PRDM16: variants seen among roughly 807,000 people sequenced by gnomAD.
The protein encoded by PRDM16 is PR/SET domain 16.
PRDM16 carries 23 observed loss-of-function variants against 110.6 expected under a neutral mutation model. The ratio of observed to expected loss-of-function variants is 0.21; its 90% CI spans 0.15 to 0.29. The LOEUF (loss-of-function observed/expected upper bound fraction) is 0.29, where lower values mean the gene tolerates loss of function less well. Among genes scored for constraint, PRDM16 ranks in the 10% least tolerant of loss-of-function variants. The pLI is 1.00. For missense variants in PRDM16, 1,615 were observed against 1,794.3 expected, an observed-to-expected ratio of 0.90 and a Z score of 1.81; for synonymous variants, 799 against 781.8, an observed-to-expected ratio of 1.02 and a Z score of -0.37.
intron 1 of PRDM16, among the ~76,000 whole-genome samples, chr1:3,073,216 C>T (rs1230379402): frequency 6.6e-6 from 1 of 152,218 alleles, no homozygotes; most frequent in Non-Finnish European, 1.5e-5. Flanking sequence ...CAGCCAGGGG[C>T]TCCCCCCACC....
chr1:3,337,622 GGGCCAGCCCCCAACA>G (rs1475507924), intron 3 of PRDM16, among the ~76,000 whole-genome samples: 4 of 152,184 alleles, frequency 2.6e-5, no homozygotes, highest in Non-Finnish European at 4.4e-5. Context: ...GGCCACTGCG[GGGCCAGCCCCCAACA>G]GGGGCTGCGG....
chr1:3,171,442 G>T (rs1644024706), intron 1 of PRDM16, among the ~76,000 whole-genome samples: 1 of 152,180 alleles, frequency 6.6e-6, no homozygotes, highest in East Asian at 1.9e-4. Context: ...CTGCGAGGAC[G>T]CTGGCCTTGA....
chr1:3,326,120 CGTT>C (rs1328838893), intron 3 of PRDM16, among the ~76,000 whole-genome samples: 4 of 142,026 alleles, frequency 2.8e-5, no homozygotes, highest in Admixed American at 2.0e-4. Context: ...CCTTGGCCCT[CGTT>C]GGCCATCCTC....
chr1:3,409,507 G>A (rs1643632433), intron 8 of PRDM16, among the ~76,000 whole-genome samples: 1 of 152,166 alleles, frequency 6.6e-6, no homozygotes, highest in African/African-American at 2.4e-5. Flanking sequence ...GATCATCTTA[G>A]GGGAAAAGCT....
At position 3,256,814 on chromosome 1, in the gene PRDM16, A is replaced by G. The variant is rs182757878; in HGVS notation, c.438+12677A>G. Among the ~76,000 whole-genome samples the G allele has an allele frequency of 7.3e-4, 111 of 152,230 alleles. No homozygotes were observed. In the East Asian group the frequency reaches 0.013, roughly 18 times the overall value. On this transcript the variant is annotated intron_variant, in intron 3 of 16. Transcript: ENST00000270722. ...AGAGCTTGCAGTGAGCCGAGATGGC[A>G]CCACTGCACTCCAGCCTGGGCGACA...
At chr1:3,429,298 C>T (rs931491122) in intron 14 of PRDM16, among the ~76,000 whole-genome samples, 4 of 152,260 alleles carry the variant, frequency 2.6e-5, no homozygotes, top group Non-Finnish European at 4.4e-5. Flanking sequence ...AAACCAGCCA[C>T]TGGGCCCTAT....
chr1:3,432,179 C>A, intron 16 of PRDM16, 39 bp downstream of exon 16: 1 of 1,581,666 alleles, frequency 6.3e-7, no homozygotes. Flanking sequence ...CCCCACCTGG[C>A]CTCCTCAGCC....
chr1:3,374,286 G>A (rs779316142), intron 3 of PRDM16, among the ~76,000 whole-genome samples: 7 of 152,332 alleles, frequency 4.6e-5, no homozygotes, highest in Non-Finnish European at 7.3e-5. Flanking sequence ...GCCAGGCAAC[G>A]GCACCCAGGG....
At chr1:3,173,752 G>A (rs1644055075) in intron 1 of PRDM16, among the ~76,000 whole-genome samples, 1 of 152,230 alleles carries the variant, frequency 6.6e-6, no homozygotes, top group Non-Finnish European at 1.5e-5. Flanking sequence ...GTGAATGGCA[G>A]TCACACATCC....
chr1:3,185,610 C>T lies in PRDM16; in HGVS notation c.38-515C>T, dbSNP rs552612172. Among the ~76,000 whole-genome samples the T allele has an allele frequency of 2.0e-5, 3 of 152,384 alleles. No individual in the cohort carries two copies. The South Asian group carries it at 6.2e-4, about 32-fold the overall frequency. The stretch of plus-strand genomic sequence containing the variant: ...TGAGCACATTTCACATTCACCCAAA[C>T]TCTGAGTCCTCCCAGGCACTTAGGA... On this transcript the variant is annotated intron_variant, in intron 1 of 16. Transcript: ENST00000270722.
At chr1:3,106,663 A>G (rs1642663163) in intron 1 of PRDM16, among the ~76,000 whole-genome samples, 1 of 151,498 alleles carries the variant, frequency 6.6e-6, no homozygotes, top group Non-Finnish European at 1.5e-5. Flanking sequence ...AAGGGAAGGC[A>G]CCCCCAGGTT....
rs1315194188 is a variant in PRDM16, at chr1:3,433,682, T to C, written c.3702T>C (p.Tyr1234=). 6.2e-7 allele frequency: 1 copy of C among 1,613,624 alleles called. No homozygotes were observed. The highest frequency in any genetic ancestry group is 8.5e-7 in the Non-Finnish European group (1 of 1,179,746). ...TLCRQAKNQA[Y]AMMLSLSEDT... The stretch of plus-strand genomic sequence containing the variant: ...TGTCATCCCCTCCCCGCCAGGCATA[T>C]GCAATGATGCTGTCCCTTTCCGAAG... The change falls in exon 17 of 17, where the codon TAT becomes TAC. Residue 1234 remains tyrosine (Y), a synonymous_variant. Transcript: ENST00000270722.
intron 3 of PRDM16, among the ~76,000 whole-genome samples, chr1:3,329,551 G>A (rs966241129): frequency 2.5e-4 from 38 of 152,304 alleles, no homozygotes; most frequent in African/African-American, 8.2e-4. Flanking sequence ...CTCTAGAGGC[G>A]TCCTGACCTC....
At chr1:3,247,733 C>T (rs1179223860) in intron 3 of PRDM16, among the ~76,000 whole-genome samples, 1 of 151,008 alleles carries the variant, frequency 6.6e-6, no homozygotes, top group African/African-American at 2.4e-5. Flanking sequence ...GTGCCCTATG[C>T]GTGCCCTCGC....
At chr1:3,217,819 C>A (rs1569863589) in intron 2 of PRDM16, among the ~76,000 whole-genome samples, 1 of 152,338 alleles carries the variant, frequency 6.6e-6, no homozygotes, top group East Asian at 1.9e-4. Context: ...GCGCTCTTCC[C>A]CCTAGAAGTA....
intron 1 of PRDM16, among the ~76,000 whole-genome samples, chr1:3,129,311 CTGGTGTGTGTGTGGGTGTGTG>C (rs1465378210): frequency 1.0e-4 from 6 of 59,942 alleles, no homozygotes. Context: ...AGTGTCCTGC[CTGGTGTGTGTGTGGGTGTGTG>C]TCCTGCCTGG....
chr1:3,090,535 G>A (rs1035756299), intron 1 of PRDM16, among the ~76,000 whole-genome samples: 90 of 152,360 alleles, frequency 5.9e-4, no homozygotes, highest in African/African-American at 2.1e-3. Context: ...CCAAATGGAA[G>A]CAAAGACTGG....
At chr1:3,405,688 C>T (rs780901939) in intron 8 of PRDM16, 40 bp downstream of exon 8, 5 of 1,512,852 alleles carry the variant, frequency 3.3e-6, no homozygotes, top group Admixed American at 4.2e-5. Context: ...CCTCCGGGTG[C>T]GCGGATGCCG....
At chr1:3,420,948 G>A (rs1015252909) in intron 12 of PRDM16, among the ~76,000 whole-genome samples, 2 of 152,004 alleles carry the variant, frequency 1.3e-5, no homozygotes, top group African/African-American at 4.8e-5. Flanking sequence ...TGCTGGGACC[G>A]AGATTCCTGC....
Sources: allele counts gnomAD v4.1 joint callset (sites outside exome capture counted in the v4.1 genomes callset), GRCh38; gene constraint gnomAD v4.1.1; transcripts MANE v1.5; gene names NCBI Gene and HGNC (gene_info 2026-07-23, HGNC 2026-07-21).